The following NBAS variants were observed in gnomAD, a reference collection of about 807,000 sequenced individuals.
NBAS encodes the protein NBAS subunit of NRZ tethering complex, also known as NAG/BC035112 fusion.
A neutral mutation model predicts 302.5 loss-of-function variants in NBAS; 219 were observed. The ratio of observed to expected loss-of-function variants is 0.72; its 90% CI spans 0.65 to 0.81. The LOEUF is 0.81. NBAS is among the 30% of genes least tolerant of loss of function. The pLI is 0.00. For synonymous variants in NBAS, 1,118 were observed against 1,021.6 expected, an observed-to-expected ratio of 1.09 and a Z score of -1.80; for missense variants, 2,932 against 2,841.6, an observed-to-expected ratio of 1.03 and a Z score of -0.72.
the NBAS span, among the ~76,000 whole-genome samples, chr2:15,002,858 C>G: frequency 6.6e-6 from 1 of 152,244 alleles, no homozygotes; most frequent in Non-Finnish European, 1.5e-5. Context: ...CACGCCCACC[C>G]GGAACTCCAG....
At chr2:15,058,568 C>A in the NBAS span, among the ~76,000 whole-genome samples, 1 of 152,152 alleles carries the variant, frequency 6.6e-6, no homozygotes, top group Non-Finnish European at 1.5e-5. Flanking sequence ...AGTTCTCAAG[C>A]CCAGCGTGAC....
At chr2:14,809,151 T>C in the NBAS span, among the ~76,000 whole-genome samples, 1 of 152,200 alleles carries the variant, frequency 6.6e-6, no homozygotes, top group African/African-American at 2.4e-5. Flanking sequence ...GACAATGCAA[T>C]AGAAAACAAA....
chr2:15,415,612 A>G lies in NBAS; in HGVS notation c.2871T>C (p.Tyr957=). Residue 957 remains tyrosine (Y), a synonymous_variant, in exon 25 of 52, where the codon TAT becomes TAC. Transcript: ENST00000281513. ...AGTCCCCTTTAGCTAAAGTTACTAA[A>G]TATTCTTTTAATAGCTCATTAGCCA... ...PGVANELLKE[Y]LVTLAKGDLK... 6.2e-7 allele frequency: 1 copy of G among 1,614,114 alleles called. No individual in the cohort carries two copies. The highest frequency in any genetic ancestry group is 8.5e-7 in the Non-Finnish European group (1 of 1,179,992).
chr2:14,912,862 T>G, the NBAS span, among the ~76,000 whole-genome samples: 2 of 152,214 alleles, frequency 1.3e-5, no homozygotes, highest in Non-Finnish European at 2.9e-5. Context: ...GTAGCTATTT[T>G]ATTTTAAACA....
At chr2:15,534,516 T>C (rs748970467) in intron 9 of NBAS, 27 bp downstream of exon 9, 2 of 1,493,640 alleles carry the variant, frequency 1.3e-6, no homozygotes, top group Non-Finnish European at 1.9e-6. Context: ...TATGTCCCAC[T>C]AAATATGAGA....
At chr2:15,135,616 T>C in the NBAS span, among the ~76,000 whole-genome samples, 1 of 152,146 alleles carries the variant, frequency 6.6e-6, no homozygotes, top group African/African-American at 2.4e-5. Context: ...GGGTTGCTTA[T>C]AGTTATCCGG....
chr2:15,365,163 A>C (rs1055309334), intron 32 of NBAS, among the ~76,000 whole-genome samples: 4 of 152,232 alleles, frequency 2.6e-5, no homozygotes, highest in Non-Finnish European at 4.4e-5. Flanking sequence ...TTGTATCCAC[A>C]GTACGTAGCA....
chr2:15,400,191 C>T (rs1460973548), intron 26 of NBAS, among the ~76,000 whole-genome samples: 2 of 149,090 alleles, frequency 1.3e-5, no homozygotes, highest in Admixed American at 6.7e-5. Flanking sequence ...ATACCAATTC[C>T]AAGAAGGATG....
intron 24 of NBAS, among the ~76,000 whole-genome samples, chr2:15,417,303 C>T (rs1676990080): frequency 6.6e-6 from 1 of 152,084 alleles, no homozygotes; most frequent in Non-Finnish European, 1.5e-5. Flanking sequence ...AAAAGTTATA[C>T]AGATGGGTCT....
chr2:15,543,408 T>C (rs1663946335), intron 6 of NBAS, among the ~76,000 whole-genome samples: 1 of 152,244 alleles, frequency 6.6e-6, no homozygotes, highest in African/African-American at 2.4e-5. Flanking sequence ...ACCAGTCCAA[T>C]GATTTCATGT....
chr2:15,459,200 G>T (rs1233854613), intron 21 of NBAS, among the ~76,000 whole-genome samples: 1 of 152,144 alleles, frequency 6.6e-6, no homozygotes, highest in East Asian at 1.9e-4. Flanking sequence ...CTGAGGACAT[G>T]GGGGAGGCCC....
chr2:14,929,404 A>C, the NBAS span, among the ~76,000 whole-genome samples: 1 of 152,156 alleles, frequency 6.6e-6, no homozygotes, highest in Non-Finnish European at 1.5e-5. Context: ...TTTGAGACGG[A>C]GTCTCACTCT....
chr2:15,298,356 C>T (rs10929359), intron 40 of NBAS, among the ~76,000 whole-genome samples: 35,063 of 151,988 alleles, frequency 0.23, 4,403 homozygotes, highest in Middle Eastern at 0.37. Flanking sequence ...TGAGAGGAGA[C>T]AATTTCTCAC....
chr2:15,451,029 T>C (rs942588538), intron 21 of NBAS, among the ~76,000 whole-genome samples: 3 of 152,106 alleles, frequency 2.0e-5, no homozygotes, highest in Non-Finnish European at 2.9e-5. Context: ...TTTAGCTTCA[T>C]TCATTCATTC....
the NBAS span, among the ~76,000 whole-genome samples, chr2:14,848,074 G>A: frequency 1.2e-4 from 18 of 152,242 alleles, no homozygotes; most frequent in East Asian, 3.3e-3. Flanking sequence ...AGGGGGAGGA[G>A]CCAAGATGGC....
chr2:15,366,814 AATT>A (rs1335371737), intron 31 of NBAS, 121 bp from the exon 32 acceptor site: 14 of 867,738 alleles, frequency 1.6e-5, no homozygotes, highest in Non-Finnish European at 2.3e-5. Flanking sequence ...GATGAAGGAG[AATT>A]AAGTAAAAGT....
chr2:15,035,846 G>A, the NBAS span, among the ~76,000 whole-genome samples: 68 of 152,112 alleles, frequency 4.5e-4, 1 homozygote, highest in African/African-American at 1.6e-3. Context: ...TCCGGGGTGG[G>A]AGAACGAGGC....
chr2:15,028,399 T>A, the NBAS span, among the ~76,000 whole-genome samples: 1 of 152,236 alleles, frequency 6.6e-6, no homozygotes, highest in African/African-American at 2.4e-5. Context: ...TCTAATGTGT[T>A]TAGAAAGTGC....
At chr2:15,134,567 C>T in the NBAS span, among the ~76,000 whole-genome samples, 1 of 152,074 alleles carries the variant, frequency 6.6e-6, no homozygotes, top group African/African-American at 2.4e-5. Flanking sequence ...ATAAAAGTGC[C>T]CAGAAAGGAA....
Sources: allele counts gnomAD v4.1 joint callset (sites outside exome capture counted in the v4.1 genomes callset), GRCh38; gene constraint gnomAD v4.1.1; transcripts MANE v1.5; gene names NCBI Gene and HGNC (gene_info 2026-07-23, HGNC 2026-07-21).